CCDC192: variants seen among roughly 807,000 people sequenced by gnomAD.
CCDC192 encodes coiled-coil domain containing 192, also known as coiled-coil domain-containing protein 192.
chr5:127,924,106 T>C (rs1395302140), intron 6 of CCDC192, among the ~76,000 whole-genome samples: 2 of 152,234 alleles, frequency 1.3e-5, no homozygotes, highest in Non-Finnish European at 2.9e-5. Flanking sequence ...GAGGTTAATC[T>C]CAAGTAAAAT....
intron 6 of CCDC192, among the ~76,000 whole-genome samples, chr5:127,884,392 C>CAA (rs372054209): frequency 0.016 from 1,616 of 101,748 alleles, 43 homozygotes; most frequent in African/African-American, 0.049. Flanking sequence ...GACTGCATCT[C>CAA]AAAAAAAAAA....
rs1750060132 is a variant in CCDC192 at position 127,836,966 on chromosome 5, C to T, written c.412-38572C>T. Among the ~76,000 whole-genome samples, 2 of 81,808 alleles carry T rather than the reference C, an allele frequency of 2.4e-5. 1 individual carries two copies. Among genetic ancestry groups the T allele is most frequent in the Admixed American group, 2.5e-4 (2 of 8,162 alleles). The allele number at this position is 81,808 out of a possible 152,430, so 53.7% of individuals were successfully genotyped here. ...ATTAAATTCCTCCTCAGAAAGTGGG[C>T]TTTTCTTTTCTACTATATGGTCATG... is the stretch of plus-strand genomic sequence containing the variant. On this transcript the variant is annotated intron_variant, in intron 5 of 6. Transcript: ENST00000514853.
intron 6 of CCDC192, among the ~76,000 whole-genome samples, chr5:127,876,739 G>A (rs916141074): frequency 1.1e-4 from 16 of 152,168 alleles, no homozygotes; most frequent in African/African-American, 3.9e-4. Flanking sequence ...AAATGGAGGA[G>A]GAGGAAGCAG....
chr5:127,769,777 A>G (rs1755443194), intron 3 of CCDC192, among the ~76,000 whole-genome samples: 1 of 152,218 alleles, frequency 6.6e-6, no homozygotes, highest in Non-Finnish European at 1.5e-5. Flanking sequence ...TAAAATGAGG[A>G]TCAGAGGAAA....
In CCDC192 at chr5:127,873,786, G is replaced by A. The variant is rs185865826; in HGVS notation, c.412-1752G>A. On this transcript the variant is annotated intron_variant, in intron 5 of 6. Coordinates refer to ENST00000514853, the MANE Select transcript of CCDC192 (RefSeq NM_001317938.2). ...TGGTTACCATCCAGGACCTCACAAG[G>A]TGCTGTCACCACAGGCCTGGGATAG... 2.3e-3 allele frequency among the ~76,000 whole-genome samples: 345 copies of A among 152,282 alleles called. 2 individuals are homozygous for A. Among genetic ancestry groups the A allele is most frequent in the African/African-American group, 7.2e-3 (301 of 41,538 alleles).
intron 3 of CCDC192, chr5:127,786,591 C>T (rs572950258): frequency 3.6e-5 from 26 of 725,596 alleles, no homozygotes; most frequent in Admixed American, 2.2e-4. Context: ...ATATTCCTTT[C>T]GTCCTTTGTC....
At position 127,768,882 on chromosome 5, in the gene CCDC192, A is replaced by G. The variant is rs17164673; in HGVS notation, c.222+14507A>G. Among the ~76,000 whole-genome samples, 1,215 of 152,328 alleles carry G rather than the reference A, an allele frequency of 8.0e-3. 56 individuals are homozygous for G. The East Asian group carries it at 0.16, about 20-fold the overall frequency. On this transcript the variant is annotated intron_variant, in intron 3 of 6. Coordinates refer to ENST00000514853, the MANE Select transcript of CCDC192 (RefSeq NM_001317938.2). ...TCCACAGGTAGGACAGGTAATTTTTAAAGTGCTTGCCAATGTTATTTACTG... is the reference window on the plus strand; with the variant it reads ...TCCACAGGTAGGACAGGTAATTTTTGAAGTGCTTGCCAATGTTATTTACTG...
chr5:127,791,009 C>T (rs1365831917), intron 3 of CCDC192, among the ~76,000 whole-genome samples: 1 of 152,142 alleles, frequency 6.6e-6, no homozygotes, highest in Non-Finnish European at 1.5e-5. Flanking sequence ...AATTAGCCAC[C>T]TTTGCTGAAA....
intron 2 of CCDC192, among the ~76,000 whole-genome samples, chr5:127,738,662 T>G (rs1166752330): frequency 2.6e-5 from 4 of 151,962 alleles, no homozygotes; most frequent in African/African-American, 9.7e-5. Flanking sequence ...ACTTCCCTTC[T>G]CGCTTCATTT....
At chr5:127,920,233 A>C (rs1286262577) in intron 6 of CCDC192, among the ~76,000 whole-genome samples, 2 of 152,212 alleles carry the variant, frequency 1.3e-5, no homozygotes, top group East Asian at 3.8e-4. Flanking sequence ...ATTTGTGCTC[A>C]CACACAAATA....
At chr5:127,830,080 AG>A (rs1749715703) in intron 5 of CCDC192, among the ~76,000 whole-genome samples, 1 of 152,178 alleles carries the variant, frequency 6.6e-6, no homozygotes, top group Non-Finnish European at 1.5e-5. Flanking sequence ...CTACATTGTC[AG>A]GTCATGATAC....
chr5:127,759,722 C>A (rs552450321), intron 3 of CCDC192, among the ~76,000 whole-genome samples: 1 of 152,258 alleles, frequency 6.6e-6, no homozygotes, highest in East Asian at 1.9e-4. Flanking sequence ...CATAAATTAA[C>A]GAGTTCCAAC....
chr5:127,854,369 C>T (rs1416878990), intron 5 of CCDC192, among the ~76,000 whole-genome samples: 4 of 152,110 alleles, frequency 2.6e-5, no homozygotes, highest in Admixed American at 2.6e-4. Flanking sequence ...GTTTCGGTTA[C>T]CCACAGTAGA....
At chr5:127,764,933 A>G (rs1368073922) in intron 3 of CCDC192, among the ~76,000 whole-genome samples, 1 of 152,118 alleles carries the variant, frequency 6.6e-6, no homozygotes, top group Non-Finnish European at 1.5e-5. Flanking sequence ...AAATTTTGGA[A>G]GACCATGTGT....
intron 5 of CCDC192, among the ~76,000 whole-genome samples, chr5:127,805,321 A>G (rs2126987393): frequency 6.6e-6 from 1 of 152,298 alleles, no homozygotes; most frequent in African/African-American, 2.4e-5. Flanking sequence ...CAAAGACACA[A>G]AAATCCCTGC....
At position 127,917,834 on chromosome 5, in the gene CCDC192, G is replaced by C. The variant is rs371511643; in HGVS notation, c.536-23348G>C. On this transcript the variant is annotated intron_variant, in intron 6 of 6. Coordinates refer to ENST00000514853, the MANE Select transcript of CCDC192 (RefSeq NM_001317938.2). ...TGACATAGAGACACAAAGTGAGCAC[G>C]TGCTGTTGAAAAAATGGCACTAAAA... 2.8e-4 allele frequency among the ~76,000 whole-genome samples: 43 copies of C among 152,220 alleles called. 2 individuals carry two copies. The South Asian group carries it at 3.1e-3, about 11-fold the overall frequency.
intron 6 of CCDC192, among the ~76,000 whole-genome samples, chr5:127,879,023 A>T (rs1332179534): frequency 1.1e-4 from 17 of 149,998 alleles, no homozygotes; most frequent in African/African-American, 4.2e-4. Context: ...TTGTTGGTGT[A>T]TAAGAATGCT....
At chr5:127,738,234 C>T (rs1304741779) in intron 2 of CCDC192, among the ~76,000 whole-genome samples, 17 of 149,438 alleles carry the variant, frequency 1.1e-4, no homozygotes, top group Admixed American at 5.4e-4. Context: ...AAAATTCTTT[C>T]CTTTAAGAAT....
At chr5:127,896,210 A>G (rs754218691) in intron 6 of CCDC192, among the ~76,000 whole-genome samples, 4 of 152,062 alleles carry the variant, frequency 2.6e-5, no homozygotes, top group Middle Eastern at 6.8e-3. Context: ...AGGTCCAGGC[A>G]GGAGGATCAT....
Sources: allele counts gnomAD v4.1 joint callset (sites outside exome capture counted in the v4.1 genomes callset), GRCh38; gene constraint gnomAD v4.1.1; transcripts MANE v1.5; gene names NCBI Gene and HGNC (gene_info 2026-07-23, HGNC 2026-07-21).